GPM6B: variants seen among roughly 807,000 people sequenced by gnomAD.
The protein encoded by GPM6B is glycoprotein M6B, also known as neuronal membrane glycoprotein M6-b.
A neutral mutation model predicts 27.2 loss-of-function variants in GPM6B; 4 were observed. The observed-to-expected ratio is 0.15, with a 90% CI of 0.07 to 0.34. The LOEUF (loss-of-function observed/expected upper bound fraction) is 0.34. Ranked by LOEUF, GPM6B falls within the 10% of genes least tolerant of loss-of-function variation. GPM6B has a pLI of 1.00. For missense variants in GPM6B, 183 were observed against 261.9 expected, an observed-to-expected ratio of 0.70 and a Z score of 2.08; for synonymous variants, 124 against 103.1, an observed-to-expected ratio of 1.20 and a Z score of -1.23.
intron 1 of GPM6B, among the ~76,000 whole-genome samples, chrX:13,828,152 C>T (rs1434462119): frequency 8.9e-6 from 1 of 111,857 alleles, no homozygotes; most frequent in African/African-American, 3.3e-5. Context: ...GCAACTATCA[C>T]CAACTGTTAT....
chrX:13,869,165 A>G (rs1054759453), intron 1 of GPM6B, among the ~76,000 whole-genome samples: 2 of 112,550 alleles, frequency 1.8e-5, no homozygotes, highest in Non-Finnish European at 3.8e-5. Context: ...TGAAGTACTG[A>G]CACATGCTAC....
chrX:13,844,717 GACC>G lies in GPM6B; in HGVS notation c.-197-58912_-197-58910del, dbSNP rs765507079. On this transcript the variant is annotated intron_variant, in intron 1 of 6. Coordinates refer to the GPM6B transcript ENST00000398361. Reference sequence around the variant, plus strand: ...GTAAGACAAAATATTTCATGGTATGGACCACAGCATTTTCTGGTTGTCTATAGC... The same window carrying G: ...GTAAGACAAAATATTTCATGGTATGGACAGCATTTTCTGGTTGTCTATAGC... Among the ~76,000 whole-genome samples the G allele has an allele frequency of 2.7e-5, 3 of 111,793 alleles. No homozygotes were observed. In the South Asian group the frequency reaches 1.1e-3, roughly 42 times the overall value.
intron 1 of GPM6B, among the ~76,000 whole-genome samples, chrX:13,844,199 T>C (rs963491575): frequency 6.2e-5 from 7 of 112,384 alleles, no homozygotes; most frequent in East Asian, 2.8e-4. Flanking sequence ...TGAAAATCAA[T>C]TGACTATAAA....
chrX:13,801,974 T>C (rs1014225627), intron 2 of GPM6B, among the ~76,000 whole-genome samples: 3 of 110,080 alleles, frequency 2.7e-5, no homozygotes, highest in Non-Finnish European at 5.7e-5. Context: ...ACTCAGGGGG[T>C]GAGGGTATAT....
intron 1 of GPM6B, among the ~76,000 whole-genome samples, chrX:13,879,293 G>C (rs1479716441): frequency 8.9e-6 from 1 of 112,227 alleles, no homozygotes; most frequent in African/African-American, 3.2e-5. Flanking sequence ...CATAAGAACA[G>C]ATTGGCTGGC....
chrX:13,819,366 G>A (rs879150508), upstream of GPM6B, among the ~76,000 whole-genome samples: 1 of 112,072 alleles, frequency 8.9e-6, no homozygotes, highest in African/African-American at 3.2e-5. Flanking sequence ...TTACATTTCT[G>A]AGATATGCAT....
intron 1 of GPM6B, among the ~76,000 whole-genome samples, chrX:13,829,018 G>C (rs1323795893): frequency 1.8e-5 from 2 of 111,360 alleles, no homozygotes; most frequent in Non-Finnish European, 3.8e-5. Context: ...AGGAACAAAA[G>C]CTCAATAAGG....
chrX:13,932,142 G>A (rs756710748), intron 1 of GPM6B, among the ~76,000 whole-genome samples: 4 of 111,240 alleles, frequency 3.6e-5, no homozygotes, highest in Non-Finnish European at 7.5e-5. Flanking sequence ...GTTATTTCCT[G>A]GTACTTTACA....
intron 1 of GPM6B, among the ~76,000 whole-genome samples, chrX:13,925,425 C>G (rs992133506): frequency 1.8e-5 from 2 of 109,626 alleles, no homozygotes; most frequent in Admixed American, 9.7e-5. Context: ...ATCCTCAGCT[C>G]AAGCAATCCT....
rs2050427996 is a variant in GPM6B at position 13,916,319 on chromosome X, A to C, written c.-198+22008T>G. On this transcript the variant is annotated intron_variant, in intron 1 of 6. Transcript: ENST00000398361. ...CCCAAGTTTTTGGAATGGATATCTA[A>C]ACAGAAAGAAAAAACCAACACAGAA... Among the ~76,000 whole-genome samples the C allele has an allele frequency of 4.5e-5, 5 of 112,153 alleles. No homozygotes were observed. The Admixed American group carries it at 4.7e-4, about 11-fold the overall frequency.
At chrX:13,830,521 A>G (rs2049426049) in intron 1 of GPM6B, among the ~76,000 whole-genome samples, 1 of 112,396 alleles carries the variant, frequency 8.9e-6, no homozygotes, top group East Asian at 2.8e-4. Flanking sequence ...GGATGTGCTA[A>G]TATCAATAAG....
intron 1 of GPM6B, among the ~76,000 whole-genome samples, chrX:13,813,923 C>T (rs1278862365): frequency 8.9e-6 from 1 of 112,133 alleles, no homozygotes; most frequent in Non-Finnish European, 1.9e-5. Flanking sequence ...TTAAAAATCC[C>T]TAAATATCTA....
chrX:13,917,352 T>A (rs1241077374), intron 1 of GPM6B, among the ~76,000 whole-genome samples: 1 of 112,811 alleles, frequency 8.9e-6, no homozygotes, highest in East Asian at 2.7e-4. Context: ...AACCTTCTGT[T>A]AGTTCTCCAA....
chrX:13,831,567 T>C (rs1681252159), intron 1 of GPM6B, among the ~76,000 whole-genome samples: 1 of 111,276 alleles, frequency 9.0e-6, no homozygotes. Context: ...TAAGCCATCC[T>C]CTGACTGTAC....
At chrX:13,828,988 A>G (rs753728570) in intron 1 of GPM6B, among the ~76,000 whole-genome samples, 21 of 111,545 alleles carry the variant, frequency 1.9e-4, no homozygotes, top group Non-Finnish European at 9.4e-5. Flanking sequence ...GGAAACCAAG[A>G]GTCAGGCAGC....
At chrX:13,797,095 A>C (rs2048829980) in intron 2 of GPM6B, among the ~76,000 whole-genome samples, 1 of 112,247 alleles carries the variant, frequency 8.9e-6, no homozygotes, top group Non-Finnish European at 1.9e-5. Context: ...CTTTAGCAGC[A>C]ATCAGTTTCC....
chrX:13,800,536 T>C (rs2048902518), intron 2 of GPM6B, among the ~76,000 whole-genome samples: 1 of 112,609 alleles, frequency 8.9e-6, no homozygotes, highest in Admixed American at 9.4e-5. Context: ...AAAGATATAG[T>C]GGCAATAGCG....
chrX:13,799,473 C>T (rs1297915499), intron 2 of GPM6B, among the ~76,000 whole-genome samples: 1 of 107,967 alleles, frequency 9.3e-6, no homozygotes, highest in South Asian at 4.1e-4. Context: ...CAACGAGTAG[C>T]CAATCTGAAC....
intron 1 of GPM6B, among the ~76,000 whole-genome samples, chrX:13,866,466 A>C (rs1282650930): frequency 3.6e-5 from 4 of 112,094 alleles, no homozygotes; most frequent in Non-Finnish European, 7.5e-5. Context: ...TTAACAACAC[A>C]TATTTCAAAA....
Sources: gnomAD v4.1 joint callset for allele counts (sites outside exome capture counted in the v4.1 genomes callset) on GRCh38, gnomAD v4.1.1 for gene constraint, MANE v1.5 for transcripts, NCBI Gene and HGNC (gene_info 2026-07-23, HGNC 2026-07-21) for gene names.